The following HLA-DPA1 variants were observed in gnomAD, a reference collection of about 807,000 sequenced individuals.
HLA-DPA1 encodes major histocompatibility complex, class II, DP alpha 1.
HLA-DPA1 carries 20 observed loss-of-function variants against 21.5 expected under a neutral mutation model. That is an observed-to-expected ratio of 0.93 (90% CI 0.66 to 1.35). The LOEUF (loss-of-function observed/expected upper bound fraction) is 1.35. Among genes scored for constraint, HLA-DPA1 ranks in the 40% most tolerant of loss-of-function variants. The pLI, the probability that HLA-DPA1 is intolerant of heterozygous loss-of-function variation, is 0.00. For missense variants in HLA-DPA1, 279 were observed against 323.0 expected (o/e 0.86, Z 1.05); for synonymous variants, 123 against 129.6 (o/e 0.95, Z 0.35).
At chr6:33,076,272 A>G (rs1481178017) in intron 1 of HLA-DPA1, 1 of 638,120 alleles carries the variant, frequency 1.6e-6, no homozygotes, top group African/African-American at 1.8e-5. Flanking sequence ...CTCTCTTCCC[A>G]GCTAGAGAAA....
At chr6:33,079,834 A>AG (rs1215164162) in intron 1 of HLA-DPA1, 2 of 414,614 alleles carry the variant, frequency 4.8e-6, no homozygotes, top group Non-Finnish European at 9.3e-6. Flanking sequence ...CCCCAGTACC[A>AG]GGGTGCACAG....
At position 33,069,623 on chromosome 6, in the gene HLA-DPA1, G is replaced by A; in HGVS notation, c.346+18C>T. ...CTTCCAGTTGGGCTACAGAGGAAGA[G>A]GCAAAGATAGGGCGTACCGTTGGTG... On this transcript the variant is annotated intron_variant, in intron 3 of 5. Coordinates refer to ENST00000419277, the Ensembl canonical transcript of HLA-DPA1. The A allele has an allele frequency of 6.2e-7, 1 of 1,611,160 alleles. No individual in the cohort carries two copies. The highest frequency in any genetic ancestry group is 8.5e-7 in the Non-Finnish European group (1 of 1,178,868).
intron 4 of HLA-DPA1, 94 bp downstream of exon 3, chr6:33,068,925 G>T (rs1762105016): frequency 6.5e-7 from 1 of 1,540,116 alleles, no homozygotes; most frequent in Non-Finnish European, 8.9e-7. Flanking sequence ...GGAGAGGACT[G>T]AGACCCAGCC....
chr6:33,069,727 G>A lies in HLA-DPA1; in HGVS notation c.260C>T (p.Ala87Val), dbSNP rs766396878. The A allele has an allele frequency of 3.1e-6, 5 of 1,612,766 alleles. No homozygotes were observed. In the South Asian group the frequency reaches 3.3e-5, roughly 11 times the overall value. ...AGCAATGTTAGCCAGCCCGCCCTGA[G>A]CCTCAAAGGAAAAGGCTTGGCCAAA... is the stretch of plus-strand genomic sequence containing the variant. Residue 87 changes from alanine to valine, a missense_variant, in exon 3 of 6, where the codon GCT becomes GTT. Coordinates refer to ENST00000419277, the Ensembl canonical transcript of HLA-DPA1.
chr6:33,072,587 G>A (rs144880913), intron 2 of HLA-DPA1, among the ~76,000 whole-genome samples: 1 of 152,172 alleles, frequency 6.6e-6, no homozygotes, highest in Non-Finnish European at 1.5e-5. Flanking sequence ...TACCCAGCCT[G>A]ACCTCCTCTT....
At chr6:33,079,503 A>G (rs1212379642) in intron 1 of HLA-DPA1, 3 of 327,586 alleles carry the variant, frequency 9.2e-6, no homozygotes, top group Non-Finnish European at 1.8e-5. Flanking sequence ...AAGAGGACCA[A>G]CAAGTTCATG....
chr6:33,074,074 ATCTT>A (rs1400480344), intron 1 of HLA-DPA1, among the ~76,000 whole-genome samples: 3 of 152,194 alleles, frequency 2.0e-5, no homozygotes, highest in East Asian at 1.9e-4. Flanking sequence ...TATATAATTA[ATCTT>A]TCTTTCAGGT....
chr6:33,074,129 G>T (rs1028602614), intron 1 of HLA-DPA1, among the ~76,000 whole-genome samples: 51 of 152,188 alleles, frequency 3.4e-4, no homozygotes, highest in Admixed American at 7.2e-4. Flanking sequence ...AATCATTTCT[G>T]CAGAAGTGTT....
chr6:33,073,790 G>A (rs1379145693), intron 1 of HLA-DPA1, 141 bp from the exon 1 acceptor site: 5 of 520,710 alleles, frequency 9.6e-6, no homozygotes, highest in Non-Finnish European at 1.4e-5. Flanking sequence ...AGAGATGGGA[G>A]AATTTTAGGT....
rs142701217 is a variant in HLA-DPA1, at chr6:33,076,319, T to A, written c.-99-2650A>T. Among the ~76,000 whole-genome samples, 542 of 152,350 alleles carry A rather than the reference T, an allele frequency of 3.6e-3. 3 individuals are homozygous for A. The highest frequency in any genetic ancestry group is 0.026 in the East Asian group (133 of 5,190). On this transcript the variant is annotated intron_variant, in intron 1 of 5. Transcript: ENST00000419277. The stretch of plus-strand genomic sequence containing the variant: ...CCTATAGGATAGCTTGCTACCCTAC[T>A]GGCCTATTCTCTCTCCAAGGACATG...
chr6:33,070,828 C>G lies in HLA-DPA1; in HGVS notation c.101-942G>C, dbSNP rs933617248. 7.9e-5 allele frequency among the ~76,000 whole-genome samples: 12 copies of G among 152,124 alleles called. No individual in the cohort carries two copies. In the South Asian group the frequency reaches 1.2e-3, roughly 16 times the overall value. The stretch of plus-strand genomic sequence containing the variant: ...CAGGTACTAAGCATTCTAAACTTTT[C>G]TTACATTTATATTTTGATTTTTGTT... On this transcript the variant is annotated intron_variant, in intron 2 of 5. Transcript: ENST00000419277.
intron 1 of HLA-DPA1, among the ~76,000 whole-genome samples, chr6:33,075,026 C>A (rs189395755): frequency 2.6e-5 from 4 of 152,264 alleles, no homozygotes; most frequent in Admixed American, 2.6e-4. Context: ...GGTGGTCCAA[C>A]AGGATCACAT....
At chr6:33,074,290 T>A (rs548997951) in intron 1 of HLA-DPA1, among the ~76,000 whole-genome samples, 6 of 152,306 alleles carry the variant, frequency 3.9e-5, no homozygotes, top group African/African-American at 1.4e-4. Context: ...TTAAACAGTG[T>A]AATAACATTT....
At chr6:33,071,730 A>G (rs13196651) in intron 2 of HLA-DPA1, among the ~76,000 whole-genome samples, 14,050 of 152,222 alleles carry the variant, frequency 0.092, 1,562 homozygotes, top group East Asian at 0.56. Flanking sequence ...ATGCGACCAA[A>G]CAGCACATCA....
At chr6:33,069,434 AC>A in intron 3 of HLA-DPA1, 134 bp from the exon 3 acceptor site, 1 of 1,047,132 alleles carries the variant, frequency 9.5e-7, no homozygotes, top group Non-Finnish European at 1.4e-6. Context: ...GGGGTATCAC[AC>A]CACTGACCAG....
Position 33,080,418 on chromosome 6 carries a change from C to A in HLA-DPA1, c.-100+262G>T, listed in dbSNP as rs17214671. 8,244 of 685,330 alleles carry A rather than the reference C, an allele frequency of 0.012. 148 individuals carry two copies. Among genetic ancestry groups the A allele is most frequent in the African/African-American group, 0.065 (3,678 of 56,526 alleles). The allele number at this position is 685,330 out of a possible 1,614,324, so 42.5% of individuals were successfully genotyped here. ...GACTGCCTTCCCCTCAGTGCTCGCC[C>A]CTCCCTAGTGATCACTCAGTGCCCC... On this transcript the variant is annotated intron_variant, in intron 1 of 5. Coordinates refer to ENST00000419277, the Ensembl canonical transcript of HLA-DPA1. This position sits in a 1 kb window ranked among gnomAD's most constrained non-coding sequence, Gnocchi z 4.3.
Position 33,080,642 on chromosome 6 carries a change from C to T in HLA-DPA1, c.-100+38G>A. On this transcript the variant is annotated intron_variant, in intron 1 of 5. Transcript: ENST00000419277. This position sits in a 1 kb window ranked among gnomAD's most constrained non-coding sequence, Gnocchi z 4.3. ...GAAAGAGGATTAGATGAGAGTGGCG[C>T]CTCCGCTCATGTCCGCCCCCTCCCC... 6.2e-7 allele frequency: 1 copy of T among 1,611,958 alleles called. No homozygotes were observed. Among genetic ancestry groups the T allele is most frequent in the South Asian group, 1.1e-5 (1 of 91,038 alleles).
At chr6:33,076,238 G>T (rs115910061) in intron 1 of HLA-DPA1, 10,304 of 816,536 alleles carry the variant, frequency 0.013, 274 homozygotes, top group East Asian at 0.067. Flanking sequence ...CAGGCTGCGG[G>T]GGCTCCTGCC....
intron 5 of HLA-DPA1, chr6:33,068,435 G>T (rs1262501070): frequency 4.0e-6 from 2 of 504,732 alleles, no homozygotes; most frequent in African/African-American, 4.0e-5. Context: ...AAGACTATGT[G>T]TGAGAATAAA....
Sources: gnomAD v4.1 joint callset for allele counts (sites outside exome capture counted in the v4.1 genomes callset) on GRCh38, gnomAD v4.1.1 for gene constraint, Gnocchi (gnomAD v3.1) non-coding constraint, MANE v1.5 for transcripts, NCBI Gene and HGNC (gene_info 2026-07-23, HGNC 2026-07-21) for gene names.